Variants in FCHO2 observed in about 807,000 individuals in gnomAD.
The protein encoded by FCHO2 is F-BAR domain only protein 2.
Under a neutral mutation model 114.1 loss-of-function variants are expected in FCHO2, and 43 were observed. The ratio of observed to expected loss-of-function variants is 0.38; its 90% CI spans 0.30 to 0.49. FCHO2 has a LOEUF of 0.49. Among genes scored for constraint, FCHO2 ranks in the 20% least tolerant of loss-of-function variants. The pLI is 0.97. For missense variants in FCHO2, 807 were observed against 950.4 expected, an observed-to-expected ratio of 0.85 and a Z score of 1.98; for synonymous variants, 293 against 315.2, an observed-to-expected ratio of 0.93 and a Z score of 0.75.
At chr5:73,075,016 G>A (rs1742843988) in intron 20 of FCHO2, among the ~76,000 whole-genome samples, 163 bp downstream of exon 20, 1 of 152,104 alleles carries the variant, frequency 6.6e-6, no homozygotes, top group Non-Finnish European at 1.5e-5. Flanking sequence ...GTAGTCATTT[G>A]ATGATTGCAT....
At chr5:72,969,938 G>C (rs1181793643) in intron 2 of FCHO2, among the ~76,000 whole-genome samples, 1 of 152,030 alleles carries the variant, frequency 6.6e-6, no homozygotes, top group East Asian at 1.9e-4. Context: ...CTTGTCACTT[G>C]GTAGGCCCTC....
intron 20 of FCHO2, among the ~76,000 whole-genome samples, chr5:73,075,938 GTAAT>G (rs1161488132): frequency 6.6e-6 from 1 of 152,136 alleles, no homozygotes; most frequent in Admixed American, 6.6e-5. Context: ...ACTTGGTAGT[GTAAT>G]TAGTTTGTAG....
chr5:73,085,730 G>A (rs974151436), intron 24 of FCHO2, among the ~76,000 whole-genome samples: 1 of 151,676 alleles, frequency 6.6e-6, no homozygotes, highest in African/African-American at 2.4e-5. Flanking sequence ...AGCCAAGATT[G>A]CACCACTGTA....
intron 11 of FCHO2, among the ~76,000 whole-genome samples, chr5:73,046,506 G>A (rs188172673): frequency 6.3e-4 from 96 of 152,144 alleles, no homozygotes; most frequent in Middle Eastern, 6.8e-3. Flanking sequence ...AACAAATGGT[G>A]TATTCTAAAC....
chr5:73,040,458 C>T (rs555318800), intron 10 of FCHO2, among the ~76,000 whole-genome samples: 3 of 152,190 alleles, frequency 2.0e-5, no homozygotes, highest in East Asian at 1.9e-4. Flanking sequence ...TTTAAGTCTG[C>T]GCTCTTAATT....
intron 2 of FCHO2, among the ~76,000 whole-genome samples, chr5:72,980,406 G>A (rs1238377043): frequency 3.3e-5 from 5 of 152,130 alleles, no homozygotes; most frequent in Non-Finnish European, 7.4e-5. Flanking sequence ...GTGGTGCTGA[G>A]AAGAATGTAT....
chr5:73,063,863 T>C lies in FCHO2; in HGVS notation c.1368T>C (p.Ser456=), dbSNP rs1465054881. ...SSSARPTTPL[S]VGTIVPPPRP... ...CAGCCAGGCCCACAACTCCTCTTTC[T>C]GTAGGCACCATTGTCCCACCTCCGA... The change falls in exon 18 of 26, where the codon TCT becomes TCC. Residue 456 remains serine, a synonymous_variant. Coordinates refer to ENST00000430046, the MANE Select transcript of FCHO2 (RefSeq NM_138782.3). 6.2e-6 allele frequency: 10 copies of C among 1,612,050 alleles called. No homozygotes were observed. The East Asian group carries it at 2.0e-4, about 32-fold the overall frequency.
chr5:73,038,275 C>T (rs1339319269), intron 10 of FCHO2, among the ~76,000 whole-genome samples: 2 of 152,178 alleles, frequency 1.3e-5, no homozygotes, highest in African/African-American at 2.4e-5. Flanking sequence ...CATGAAACCT[C>T]AACATAGGTT....
At chr5:73,079,712 C>T (rs531632832) in intron 22 of FCHO2, among the ~76,000 whole-genome samples, 1 of 152,272 alleles carries the variant, frequency 6.6e-6, no homozygotes, top group East Asian at 1.9e-4. Context: ...TTCTTTTTAA[C>T]CAAACACCAA....
At chr5:72,964,202 G>A (rs1752052227) in intron 1 of FCHO2, among the ~76,000 whole-genome samples, 1 of 151,924 alleles carries the variant, frequency 6.6e-6, no homozygotes, top group African/African-American at 2.4e-5. Flanking sequence ...ATAGCTTTAA[G>A]GATTCAACTA....
intron 5 of FCHO2, among the ~76,000 whole-genome samples, chr5:72,994,936 AGACACTGG>A (rs1341244998): frequency 6.6e-6 from 1 of 152,152 alleles, no homozygotes; most frequent in Admixed American, 6.5e-5. Flanking sequence ...GAGGAACAAC[AGACACTGG>A]GGCCTACTGG....
chr5:73,037,116 C>A, intron 9 of FCHO2, 27 bp from the exon 10 acceptor site: 1 of 1,413,748 alleles, frequency 7.1e-7, no homozygotes, highest in Non-Finnish European at 9.7e-7. Context: ...GTTTATGTTT[C>A]TGTAACAATA....
chr5:73,043,247 A>G (rs1756893185), intron 11 of FCHO2, among the ~76,000 whole-genome samples: 1 of 152,146 alleles, frequency 6.6e-6, no homozygotes, highest in Non-Finnish European at 1.5e-5. Flanking sequence ...AGGTTTTGAT[A>G]TGCTCATACT....
chr5:72,988,935 G>T (rs755387729), intron 2 of FCHO2, among the ~76,000 whole-genome samples: 1 of 152,166 alleles, frequency 6.6e-6, no homozygotes, highest in African/African-American at 2.4e-5. Flanking sequence ...GTGGCTGAGC[G>T]TGGTGGCTCA....
intron 5 of FCHO2, among the ~76,000 whole-genome samples, chr5:73,001,635 C>T (rs946489691): frequency 8.6e-5 from 13 of 151,352 alleles, no homozygotes; most frequent in Non-Finnish European, 1.2e-4. Flanking sequence ...TGTGGCATAT[C>T]AATTTTACCT....
intron 5 of FCHO2, among the ~76,000 whole-genome samples, chr5:72,999,337 T>C (rs1754300217): frequency 2.0e-5 from 3 of 151,802 alleles, no homozygotes; most frequent in South Asian, 4.2e-4. Flanking sequence ...ACTATAGGTG[T>C]TATAACATAA....
chr5:73,017,767 A>G (rs1580111145), intron 8 of FCHO2, among the ~76,000 whole-genome samples: 1 of 152,132 alleles, frequency 6.6e-6, no homozygotes, highest in East Asian at 1.9e-4. Flanking sequence ...TCTCATTTAT[A>G]TATACATTTA....
chr5:73,077,474 A>C lies in FCHO2; in HGVS notation c.1828A>C (p.Asn610His). ...NISRLEQILPNAQLVFSDPSQ... is the reference protein window; with the variant it reads ...NISRLEQILPHAQLVFSDPSQ... ...CAGCAGACTAGAGCAGATTCTTCCA[A>C]ATGCACAGCTTGTGTTCAGGTTTGT... The change falls in exon 21 of 26, where the codon AAT (asparagine) becomes CAT (histidine). Residue 610 changes from asparagine to histidine, a missense_variant. Coordinates refer to ENST00000430046, the MANE Select transcript of FCHO2 (RefSeq NM_138782.3). 2 of 1,600,920 alleles carry C rather than the reference A, an allele frequency of 1.2e-6. No homozygotes were observed. The highest frequency in any genetic ancestry group is 1.7e-6 in the Non-Finnish European group (2 of 1,173,624).
chr5:73,063,833 T>C lies in FCHO2; in HGVS notation c.1346-8T>C. ...TTTTCTTCAAATTCTCTTTTCCCCC[T>C]CAACCAGCCAGGCCCACAACTCCTC... On this transcript the variant is annotated splice_region_variant and splice_polypyrimidine_tract_variant and intron_variant, in intron 17 of 25. Transcript: ENST00000430046. 1 of 1,609,446 alleles carries C rather than the reference T, an allele frequency of 6.2e-7. No homozygotes were observed. The highest frequency in any genetic ancestry group is 8.5e-7 in the Non-Finnish European group (1 of 1,177,390).
Sources: gnomAD v4.1 joint callset for allele counts (sites outside exome capture counted in the v4.1 genomes callset) on GRCh38, gnomAD v4.1.1 for gene constraint, MANE v1.5 for transcripts, NCBI Gene and HGNC (gene_info 2026-07-23, HGNC 2026-07-21) for gene names.